Variants in PLEKHA5 observed in about 807,000 individuals in gnomAD.
The protein encoded by PLEKHA5 is pleckstrin homology domain containing A5.
Under a neutral mutation model 181.9 loss-of-function variants are expected in PLEKHA5, and 55 were observed. That is an observed-to-expected ratio of 0.30 (90% CI 0.24 to 0.38). The LOEUF (loss-of-function observed/expected upper bound fraction) is 0.38, where lower values mean the gene tolerates loss of function less well. PLEKHA5 is among the 10% of genes least tolerant of loss of function. PLEKHA5 has a pLI of 1.00. For missense variants in PLEKHA5, 1,432 were observed against 1,549.5 expected (o/e 0.92, Z 1.27); for synonymous variants, 535 against 529.4 (o/e 1.01, Z -0.15).
chr12:19,172,065 C>G (rs1426218316), intron 3 of PLEKHA5, among the ~76,000 whole-genome samples: 4 of 152,114 alleles, frequency 2.6e-5, no homozygotes, highest in Non-Finnish European at 5.9e-5. Context: ...GGAGTACACT[C>G]TAAAATAACA....
At chr12:19,279,489 C>T (rs1354305981) in intron 11 of PLEKHA5, among the ~76,000 whole-genome samples, 1 of 151,770 alleles carries the variant, frequency 6.6e-6, no homozygotes, top group African/African-American at 2.4e-5. Context: ...ATGGTGAAAC[C>T]CTGTCCCTAC....
chr12:19,318,595 C>G (rs1046461908), intron 16 of PLEKHA5, among the ~76,000 whole-genome samples: 1 of 152,134 alleles, frequency 6.6e-6, no homozygotes, highest in Non-Finnish European at 1.5e-5. Context: ...ATTCTGTAAT[C>G]TAGTAAAGCT....
chr12:19,176,041 T>G (rs759168732), intron 3 of PLEKHA5, among the ~76,000 whole-genome samples: 1 of 151,868 alleles, frequency 6.6e-6, no homozygotes, highest in African/African-American at 2.4e-5. Context: ...GTCTAGATGT[T>G]AAAAAAAATT....
At chr12:19,243,833 C>G (rs774654997) in intron 3 of PLEKHA5, among the ~76,000 whole-genome samples, 25 of 152,112 alleles carry the variant, frequency 1.6e-4, no homozygotes, top group Admixed American at 3.9e-4. Flanking sequence ...ATAAAAAAGC[C>G]TCAAGAATTC....
At chr12:19,197,334 C>G (rs2152029752) in intron 3 of PLEKHA5, among the ~76,000 whole-genome samples, 1 of 152,216 alleles carries the variant, frequency 6.6e-6, no homozygotes, top group Non-Finnish European at 1.5e-5. Flanking sequence ...GTCACCAATA[C>G]TTATTTTGGA....
At chr12:19,225,210 C>T (rs371049369) in intron 3 of PLEKHA5, among the ~76,000 whole-genome samples, 7 of 152,208 alleles carry the variant, frequency 4.6e-5, no homozygotes, top group South Asian at 2.1e-4. Flanking sequence ...CAATATTTCA[C>T]GGCCACAAAA....
intron 8 of PLEKHA5, 94 bp from the exon 9 acceptor site, chr12:19,269,676 C>A: frequency 3.4e-6 from 2 of 582,494 alleles, no homozygotes; most frequent in Non-Finnish European, 3.0e-6. Flanking sequence ...AATTTGATAG[C>A]AACGTTCTAT....
At position 19,348,532 on chromosome 12, in the gene PLEKHA5, AAT is replaced by A. The variant is rs770042336; in HGVS notation, c.3019+16_3019+17del. 1.9e-6 allele frequency: 3 copies of A among 1,555,724 alleles called. No individual in the cohort carries two copies. The highest frequency in any genetic ancestry group is 1.4e-5 in the African/African-American group (1 of 71,432). ...TCAGTTGTTAAAGGTCAGCATTTGT[AAT>A]ATGTTTTACCTCTTGGTTTTTGTTT... On this transcript the variant is annotated intron_variant, in intron 25 of 31. Coordinates refer to ENST00000429027, the MANE Select transcript of PLEKHA5 (RefSeq NM_001256470.2).
At chr12:19,290,648 G>C in intron 13 of PLEKHA5, 29 bp from the exon 14 acceptor site, 1 of 1,516,730 alleles carries the variant, frequency 6.6e-7, no homozygotes, top group Non-Finnish European at 8.8e-7. Flanking sequence ...GTTTTCCACT[G>C]TTTGGATTCT....
At chr12:19,300,238 T>C (rs1478037010) in intron 15 of PLEKHA5, among the ~76,000 whole-genome samples, 4 of 152,192 alleles carry the variant, frequency 2.6e-5, no homozygotes, top group Admixed American at 6.5e-5. Flanking sequence ...CTTTTAAAAA[T>C]TCTATTTTAA....
intron 3 of PLEKHA5, among the ~76,000 whole-genome samples, chr12:19,155,724 T>A (rs528710786): frequency 6.6e-6 from 1 of 152,296 alleles, no homozygotes; most frequent in South Asian, 2.1e-4. Flanking sequence ...TTACTATAGA[T>A]ATAATGTTTT....
intron 16 of PLEKHA5, among the ~76,000 whole-genome samples, chr12:19,317,921 CTT>C (rs71064082): frequency 4.4e-4 from 30 of 67,510 alleles, no homozygotes; most frequent in African/African-American, 1.5e-3. Flanking sequence ...CAAACCAAAC[CTT>C]TTTTTTTTTT....
intron 3 of PLEKHA5, among the ~76,000 whole-genome samples, chr12:19,199,642 T>C (rs1323536882): frequency 6.6e-6 from 1 of 152,194 alleles, no homozygotes; most frequent in Non-Finnish European, 1.5e-5. Flanking sequence ...TACTGCAAGA[T>C]ACTCTTTGTT....
chr12:19,189,266 A>G (rs2050531167), intron 3 of PLEKHA5, among the ~76,000 whole-genome samples: 1 of 152,198 alleles, frequency 6.6e-6, no homozygotes, highest in Non-Finnish European at 1.5e-5. Context: ...GAATTAAATG[A>G]TGTGAGAATT....
chr12:19,350,390 T>C (rs2094534495), intron 25 of PLEKHA5, among the ~76,000 whole-genome samples: 1 of 152,200 alleles, frequency 6.6e-6, no homozygotes, highest in Non-Finnish European at 1.5e-5. Flanking sequence ...AATGTAAAAC[T>C]TTTTAGAAAA....
chr12:19,200,459 A>C (rs750037675), intron 3 of PLEKHA5: 126 of 1,426,320 alleles, frequency 8.8e-5, no homozygotes, highest in Non-Finnish European at 1.1e-4. Flanking sequence ...TTCTAAACTG[A>C]TTGTCTTCGT....
At chr12:19,247,705 C>T (rs2064097476) in intron 3 of PLEKHA5, among the ~76,000 whole-genome samples, 1 of 151,588 alleles carries the variant, frequency 6.6e-6, no homozygotes, top group East Asian at 1.9e-4. Flanking sequence ...ATGCCAAGCC[C>T]AAGCAATCTG....
At chr12:19,134,481 T>TA (rs199998938) in intron 3 of PLEKHA5, among the ~76,000 whole-genome samples, 1,660 of 152,018 alleles carry the variant, frequency 0.011, 71 homozygotes, top group Admixed American at 0.079. Context: ...CATTAAACTT[T>TA]TAAAAAAACT....
intron 3 of PLEKHA5, among the ~76,000 whole-genome samples, chr12:19,173,225 T>G (rs552293065): frequency 9.4e-5 from 14 of 149,106 alleles, no homozygotes; most frequent in Non-Finnish European, 1.6e-4. Context: ...GGGTTTCACC[T>G]TGTTAGCCAG....
Sources: gnomAD v4.1 joint callset for allele counts (sites outside exome capture counted in the v4.1 genomes callset) on GRCh38, gnomAD v4.1.1 for gene constraint, MANE v1.5 for transcripts, NCBI Gene and HGNC (gene_info 2026-07-23, HGNC 2026-07-21) for gene names.